AMY2B: variants seen among roughly 807,000 people sequenced by gnomAD.
AMY2B encodes the protein alpha-amylase 2B.
In AMY2B, 63 loss-of-function variants were observed where a neutral mutation model predicts 59.3. The observed-to-expected ratio is 1.06, with a 90% CI of 0.87 to 1.31. AMY2B has a LOEUF of 1.31. AMY2B is among the 50% of genes most tolerant of loss of function. The probability of loss-of-function intolerance (pLI) is 0.00; values close to 1 mark genes in which losing one functional copy is unlikely to be tolerated. For missense variants in AMY2B, 635 were observed against 626.7 expected, an observed-to-expected ratio of 1.01 and a Z score of -0.14; for synonymous variants, 180 against 198.1, an observed-to-expected ratio of 0.91 and a Z score of 0.77.
chr1:103,579,011 T>C (rs1294697668), intron 9 of AMY2B, among the ~76,000 whole-genome samples: 1 of 152,220 alleles, frequency 6.6e-6, no homozygotes, highest in Non-Finnish European at 1.5e-5. Context: ...ACAAATTTGA[T>C]TTTAACAAGC....
In AMY2B at chr1:103,562,471, A is replaced by T. The variant is rs187951855; in HGVS notation, c.-206-2964A>T. Among the ~76,000 whole-genome samples the T allele has an allele frequency of 7.2e-5, 11 of 152,302 alleles. No homozygotes were observed. In the East Asian group the frequency reaches 1.9e-3, roughly 27 times the overall value. On this transcript the variant is annotated intron_variant, in intron 1 of 11. Transcript: ENST00000361355. The stretch of plus-strand genomic sequence containing the variant: ...GTGGTTGAAGGTTTACTATTTTGAG[A>T]AAATTGTACCTAATTTATTGCAAAA...
intron 2 of AMY2B, chr1:103,565,692 A>T (rs1651887390): frequency 6.6e-6 from 1 of 152,186 alleles, no homozygotes; most frequent in Non-Finnish European, 1.5e-5. Context: ...GTTTGCTGAT[A>T]TCCCATCGGA....
In AMY2B at chr1:103,576,057, A is replaced by G. The variant is rs867087253; in HGVS notation, c.1101+517A>G. On this transcript the variant is annotated intron_variant, in intron 7 of 9. Coordinates refer to ENST00000684275, the MANE Select transcript of AMY2B (RefSeq NM_001387437.1). Reference sequence around the variant, plus strand: ...TATATGTACTAAAGAATGGAAATTTAGAGAGTATTCCAAGAAAGGTAAGAA... The same window carrying G: ...TATATGTACTAAAGAATGGAAATTTGGAGAGTATTCCAAGAAAGGTAAGAA... Among the ~76,000 whole-genome samples the G allele has an allele frequency of 5.9e-5, 9 of 152,362 alleles. No individual in the cohort carries two copies. The Middle Eastern group carries it at 0.014, about 230-fold the overall frequency.
chr1:103,569,991 G>A, upstream of AMY2B: 2 of 448,176 alleles, frequency 4.5e-6, no homozygotes. Flanking sequence ...ACCTGTGGTT[G>A]CACACTGGCA....
At chr1:103,569,793 A>G, upstream of AMY2B, 1 of 452,226 alleles carries the variant, frequency 2.2e-6, no homozygotes, top group Non-Finnish European at 4.5e-6. Context: ...AACTGGGATG[A>G]CATAGAGAAG....
chr1:103,569,693 G>T (rs1286781077), upstream of AMY2B: 3 of 397,392 alleles, frequency 7.5e-6, no homozygotes. Context: ...GTGGGCATGG[G>T]CCAGAGGGAC....
intron 1 of AMY2B, among the ~76,000 whole-genome samples, chr1:103,557,935 G>A (rs1202930851): frequency 6.6e-6 from 1 of 152,122 alleles, no homozygotes; most frequent in Non-Finnish European, 1.5e-5. Flanking sequence ...ATGGAGGTGA[G>A]AAGCTCTATA....
In AMY2B at chr1:103,575,831, A is replaced by G. The variant is rs970171605; in HGVS notation, c.1101+291A>G. On this transcript the variant is annotated intron_variant, in intron 7 of 9. Coordinates refer to ENST00000684275, the MANE Select transcript of AMY2B (RefSeq NM_001387437.1). ...GCTAGGCACAGGGATTAAAATATATACTTCGAATAAGTACCTACCTCAGGG... is the reference window on the plus strand; with the variant it reads ...GCTAGGCACAGGGATTAAAATATATGCTTCGAATAAGTACCTACCTCAGGG... 9.4e-6 allele frequency: 3 copies of G among 318,154 alleles called. No individual in the cohort carries two copies. The Admixed American group carries it at 1.4e-4, about 15-fold the overall frequency. The allele number at this position is 318,154 out of a possible 1,614,324, so 19.7% of individuals were successfully genotyped here.
chr1:103,560,963 A>C (rs960323794), intron 1 of AMY2B, among the ~76,000 whole-genome samples: 1 of 152,194 alleles, frequency 6.6e-6, no homozygotes, highest in African/African-American at 2.4e-5. Context: ...TTGACCATTA[A>C]TAAATCCCAT....
At chr1:103,563,238 A>G (rs143613394) in intron 1 of AMY2B, among the ~76,000 whole-genome samples, 157 of 152,220 alleles carry the variant, frequency 1.0e-3, no homozygotes, top group African/African-American at 3.7e-3. Context: ...GGAATTCCCA[A>G]GATATGTCAT....
chr1:103,575,384 T>C, intron 6 of AMY2B, 39 bp downstream of exon 6: 5 of 1,613,000 alleles, frequency 3.1e-6, no homozygotes, highest in Non-Finnish European at 4.2e-6. Flanking sequence ...AACACATCTT[T>C]TAATGATGGT....
chr1:103,574,052 T>A (rs563334804), intron 4 of AMY2B, 114 bp downstream of exon 4: 1 of 1,567,276 alleles, frequency 6.4e-7, no homozygotes, highest in Non-Finnish European at 8.6e-7. Flanking sequence ...TTATATAAAA[T>A]GGTGTTCTTT....
rs763904004 is a variant in AMY2B at position 103,579,300 on chromosome 1, T to G, written c.1347-11T>G. On this transcript the variant is annotated splice_polypyrimidine_tract_variant and intron_variant, in intron 9 of 9. Transcript: ENST00000684275. ...GTGTATTGAAGTTAAATCTGAAATT[T>G]TATTTTACAGGACATTTTCTTTAAC... is the stretch of plus-strand genomic sequence containing the variant. The G allele has an allele frequency of 6.2e-7, 1 of 1,611,702 alleles. No individual in the cohort carries two copies. The highest frequency in any genetic ancestry group is 8.5e-7 in the Non-Finnish European group (1 of 1,179,654).
At chr1:103,571,277 G>A (rs184908191), upstream of AMY2B, 22 of 703,834 alleles carry the variant, frequency 3.1e-5, no homozygotes, top group East Asian at 2.1e-4. Flanking sequence ...TGCAATTCTC[G>A]ATCTTTAAAG....
At chr1:103,572,667 T>G (rs1652182463) in intron 2 of AMY2B, among the ~76,000 whole-genome samples, 1 of 152,192 alleles carries the variant, frequency 6.6e-6, no homozygotes, top group African/African-American at 2.4e-5. Flanking sequence ...GAGCATAATT[T>G]GAGACTAATA....
intron 1 of AMY2B, among the ~76,000 whole-genome samples, chr1:103,559,235 C>G (rs765876687): frequency 6.6e-6 from 1 of 152,092 alleles, no homozygotes; most frequent in Non-Finnish European, 1.5e-5. Flanking sequence ...ATATTTTTAT[C>G]GGAAGTTTCC....
chr1:103,578,072 C>T (rs1419276602), intron 9 of AMY2B, among the ~76,000 whole-genome samples: 2 of 152,128 alleles, frequency 1.3e-5, no homozygotes, highest in East Asian at 1.9e-4. Flanking sequence ...TTTCTGTGCA[C>T]CCTTGCAATA....
chr1:103,574,040 A>T, intron 4 of AMY2B, 102 bp downstream of exon 4: 1 of 1,582,572 alleles, frequency 6.3e-7, no homozygotes, highest in Non-Finnish European at 8.6e-7. Context: ...GGACTGAGTC[A>T]TTTATATAAA....
intron 1 of AMY2B, among the ~76,000 whole-genome samples, chr1:103,563,381 A>G (rs1253987734): frequency 6.6e-6 from 1 of 152,092 alleles, no homozygotes; most frequent in Non-Finnish European, 1.5e-5. Context: ...TCTAAGGATA[A>G]CTCTTTTAGA....
Sources: gnomAD v4.1 joint callset for allele counts (sites outside exome capture counted in the v4.1 genomes callset) on GRCh38, gnomAD v4.1.1 for gene constraint, MANE v1.5 for transcripts, NCBI Gene and HGNC (gene_info 2026-07-23, HGNC 2026-07-21) for gene names.